The following SLC39A10 variants were observed in gnomAD, a reference collection of about 807,000 sequenced individuals.
SLC39A10 encodes the protein zinc transporter ZIP10.
A neutral mutation model predicts 65.1 loss-of-function variants in SLC39A10; 13 were observed. That is an observed-to-expected ratio of 0.20 (90% CI 0.13 to 0.32). SLC39A10 has a LOEUF of 0.32. Ranked by LOEUF, SLC39A10 falls within the 10% of genes least tolerant of loss-of-function variation. The pLI, the probability that SLC39A10 is intolerant of heterozygous loss-of-function variation, is 1.00. For missense variants in SLC39A10, 831 were observed against 1,018.4 expected, an observed-to-expected ratio of 0.82 and a Z score of 2.50; for synonymous variants, 321 against 342.2, an observed-to-expected ratio of 0.94 and a Z score of 0.68.
chr2:195,653,701 AAAG>A (rs1457947147), upstream of SLC39A10, among the ~76,000 whole-genome samples: 1 of 152,246 alleles, frequency 6.6e-6, no homozygotes, highest in Non-Finnish European at 1.5e-5. Flanking sequence ...TGCCCTTGGC[AAAG>A]AAGAAGTGAC....
At chr2:195,654,580 T>A (rs1458626877), upstream of SLC39A10, among the ~76,000 whole-genome samples, 2 of 152,194 alleles carry the variant, frequency 1.3e-5, no homozygotes, top group Non-Finnish European at 2.9e-5. Context: ...TACACATAAT[T>A]CAGTACCTCT....
intron 2 of SLC39A10, among the ~76,000 whole-genome samples, chr2:195,648,159 A>G (rs1166162672): frequency 2.6e-5 from 4 of 152,176 alleles, no homozygotes; most frequent in African/African-American, 9.6e-5. Flanking sequence ...TGCCCATCTA[A>G]TTTTTAAAAC....
chr2:195,649,620 T>G (rs763013392), intron 2 of SLC39A10, among the ~76,000 whole-genome samples: 4 of 152,270 alleles, frequency 2.6e-5, no homozygotes, highest in Non-Finnish European at 4.4e-5. Flanking sequence ...AACTTATTGT[T>G]AATTCATTTC....
At chr2:195,636,424 C>A (rs951778422) in intron 2 of SLC39A10, among the ~76,000 whole-genome samples, 3 of 152,072 alleles carry the variant, frequency 2.0e-5, no homozygotes, top group Non-Finnish European at 2.9e-5. Flanking sequence ...AGATGTGACT[C>A]ACATAAACAA....
intron 2 of SLC39A10, among the ~76,000 whole-genome samples, chr2:195,613,418 G>A (rs1688140464): frequency 6.6e-6 from 1 of 152,136 alleles, no homozygotes; most frequent in Non-Finnish European, 1.5e-5. Context: ...TCCAAACAAA[G>A]TAAGTGCATG....
At chr2:195,669,726 G>A (rs746582503) in intron 1 of SLC39A10, among the ~76,000 whole-genome samples, 5 of 152,062 alleles carry the variant, frequency 3.3e-5, no homozygotes, top group African/African-American at 4.8e-5. Context: ...GGCTGGGCAC[G>A]ATGGCTTACA....
At chr2:195,677,338 G>C (rs1191004949) in intron 1 of SLC39A10, among the ~76,000 whole-genome samples, 1 of 152,060 alleles carries the variant, frequency 6.6e-6, no homozygotes, top group Non-Finnish European at 1.5e-5. Context: ...AGTGCTTGAG[G>C]CTAGGAGTTT....
rs1297457801 is a variant in SLC39A10 at position 195,737,387 on chromosome 2, A to T, written c.*2346A>T. On this transcript the variant is annotated 3_prime_UTR_variant, in exon 10 of 10. Transcript: ENST00000359634. ...ATATATCAATCAATCAATCAATCAC[A>T]TTGCATTCAATCAATCAGCTGTGAT... The T allele has an allele frequency of 7.4e-6, 1 of 135,066 alleles. No individual in the cohort carries two copies. Among genetic ancestry groups the T allele is most frequent in the East Asian group, 2.1e-4 (1 of 4,718 alleles). 8.4% of individuals were successfully genotyped at this position (135,066 alleles called of 1,614,324 possible).
chr2:195,657,611 TTG>T (rs1689203769), intron 1 of SLC39A10: 1 of 984,930 alleles, frequency 1.0e-6, no homozygotes, highest in Admixed American at 6.2e-5. Context: ...CCTGTGGAGG[TTG>T]GCGGAGCCTC....
chr2:195,736,921 G>A lies in SLC39A10; in HGVS notation c.*1880G>A, dbSNP rs1692637590. ...ATTTCTGAACCAAGATATATTTATA[G>A]TTCACTTTTGGGTTTTTATACCCAC... On this transcript the variant is annotated 3_prime_UTR_variant, in exon 10 of 10. Transcript: ENST00000359634. 6.6e-6 allele frequency: 1 copy of A among 152,476 alleles called. No individual in the cohort carries two copies. The highest frequency in any genetic ancestry group is 1.5e-5 in the Non-Finnish European group (1 of 68,016). The allele number at this position is 152,476 out of a possible 1,614,324, so 9.4% of individuals were successfully genotyped here.
At chr2:195,619,842 C>G (rs1243518313) in intron 2 of SLC39A10, among the ~76,000 whole-genome samples, 6 of 152,168 alleles carry the variant, frequency 3.9e-5, no homozygotes, top group Admixed American at 3.9e-4. Flanking sequence ...CTGCCAGTCC[C>G]AGCATACTAT....
chr2:195,654,778 A>C (rs1198173305), upstream of SLC39A10, among the ~76,000 whole-genome samples: 1 of 152,210 alleles, frequency 6.6e-6, no homozygotes, highest in Non-Finnish European at 1.5e-5. Flanking sequence ...GATAAAATGA[A>C]ATTCATATAT....
At chr2:195,704,578 T>C (rs1037180554) in intron 3 of SLC39A10, among the ~76,000 whole-genome samples, 2 of 152,340 alleles carry the variant, frequency 1.3e-5, no homozygotes, top group Admixed American at 1.3e-4. Flanking sequence ...ACTTATTTCA[T>C]TAAGTTCTTC....
In SLC39A10 at chr2:195,721,489, A is replaced by G. The variant is rs144068064; in HGVS notation, c.2146+3157A>G. Among the ~76,000 whole-genome samples the G allele has an allele frequency of 3.7e-3, 548 of 149,040 alleles. 5 individuals carry two copies. The highest frequency in any genetic ancestry group is 0.013 in the African/African-American group (515 of 40,388). On this transcript the variant is annotated intron_variant, in intron 8 of 9. Transcript: ENST00000359634. Reference sequence around the variant, plus strand: ...TGTCTTTTACCTCATGCCTTGGATTACTGTTTCCTCTTAGTTTTATTGTTT... The same window carrying G: ...TGTCTTTTACCTCATGCCTTGGATTGCTGTTTCCTCTTAGTTTTATTGTTT...
In SLC39A10 at chr2:195,657,247, G is replaced by A; in HGVS notation, c.-46G>A. On this transcript the variant is annotated 5_prime_UTR_variant, in exon 1 of 10. Coordinates refer to ENST00000359634, the MANE Select transcript of SLC39A10 (RefSeq NM_020342.3). ...TGGTGCAGCCGGGGTTTGGTACCGA[G>A]CGGAGAGGAGATGCACACGGCACTC... 1 of 298,826 alleles carries A rather than the reference G, an allele frequency of 3.3e-6. No individual in the cohort carries two copies. The highest frequency in any genetic ancestry group is 4.9e-6 in the Non-Finnish European group (1 of 202,228). The allele number at this position is 298,826 out of a possible 1,614,324, so 18.5% of individuals were successfully genotyped here.
At chr2:195,664,455 TTAA>T (rs531927371) in intron 1 of SLC39A10, among the ~76,000 whole-genome samples, 25 of 152,212 alleles carry the variant, frequency 1.6e-4, no homozygotes, top group Non-Finnish European at 2.8e-4. Context: ...TGCAGAAACC[TTAA>T]TAAGTTTCAT....
intron 4 of SLC39A10, among the ~76,000 whole-genome samples, chr2:195,708,045 C>T (rs943046877): frequency 3.3e-5 from 5 of 151,810 alleles, no homozygotes; most frequent in Non-Finnish European, 5.9e-5. Flanking sequence ...TTAAGGATAC[C>T]CTCTTGCTAA....
At chr2:195,697,424 C>T (rs753572999) in intron 3 of SLC39A10, among the ~76,000 whole-genome samples, 1 of 151,898 alleles carries the variant, frequency 6.6e-6, no homozygotes, top group Non-Finnish European at 1.5e-5. Flanking sequence ...TTGTAGTTTT[C>T]TTTTTTACTC....
chr2:195,734,811 G>T (rs1490337311), intron 9 of SLC39A10, 72 bp from the exon 10 acceptor site: 1 of 1,430,892 alleles, frequency 7.0e-7, no homozygotes, highest in Non-Finnish European at 9.4e-7. Context: ...TTCTTAAGTA[G>T]GAAAATGTTT....
Sources: gnomAD v4.1 joint callset for allele counts (sites outside exome capture counted in the v4.1 genomes callset) on GRCh38, gnomAD v4.1.1 for gene constraint, MANE v1.5 for transcripts, NCBI Gene and HGNC (gene_info 2026-07-23, HGNC 2026-07-21) for gene names.